RSRP1: variants seen among roughly 807,000 people sequenced by gnomAD.
RSRP1 encodes arginine/serine-rich protein 1.
RSRP1 carries 37 observed loss-of-function variants against 33.0 expected under a neutral mutation model. The ratio of observed to expected loss-of-function variants is 1.12; its 90% CI spans 0.86 to 1.48. The LOEUF is 1.48. RSRP1 is among the 40% of genes most tolerant of loss of function. RSRP1 has a pLI of 0.00. For synonymous variants in RSRP1, 167 were observed against 158.7 expected (o/e 1.05, Z -0.40); for missense variants, 402 against 385.3 (o/e 1.04, Z -0.36).
rs1455124354 is a variant in RSRP1 at position 25,306,265 on chromosome 1, C to G, written c.-67+31713G>C. Among the ~76,000 whole-genome samples, 9 of 131,688 alleles carry G rather than the reference C, an allele frequency of 6.8e-5. 2 individuals carry two copies. The highest frequency in any genetic ancestry group is 1.3e-4 in the Non-Finnish European group (7 of 55,740). The allele number at this position is 131,688 out of a possible 152,430, so 86.4% of individuals were successfully genotyped here. A position where few individuals can be genotyped will look rare whatever the true frequency, so the allele number is the denominator to read the frequency against. On this transcript the variant is annotated intron_variant, in intron 1 of 1. Transcript: ENST00000561867. ...CTACAGTACACAGGGCAGCCCCCACCACAAGGAATTATCAGCTGAAATTGT... is the reference window on the plus strand; with the variant it reads ...CTACAGTACACAGGGCAGCCCCCACGACAAGGAATTATCAGCTGAAATTGT...
chr1:25,286,399 G>A (rs993442337), intron 1 of RSRP1, among the ~76,000 whole-genome samples: 4 of 134,924 alleles, frequency 3.0e-5, no homozygotes, highest in African/African-American at 1.0e-4. Context: ...TGAGGCAGGA[G>A]GATCACCTGA....
intron 1 of RSRP1, among the ~76,000 whole-genome samples, chr1:25,276,950 C>A (rs1641059172): frequency 7.6e-6 from 1 of 130,754 alleles, no homozygotes; most frequent in Non-Finnish European, 1.8e-5. Context: ...GCCTGTAGTC[C>A]CAGCTACTTG....
At chr1:25,304,552 C>G (rs939617570) in intron 1 of RSRP1, 1 of 127,638 alleles carries the variant, frequency 7.8e-6, no homozygotes, top group Non-Finnish European at 1.8e-5. Context: ...GAGCTGAAAT[C>G]GTGCCATGGC....
chr1:25,243,394 G>A (rs558120283), intron 4 of RSRP1, among the ~76,000 whole-genome samples, 156 bp downstream of exon 4: 6 of 152,172 alleles, frequency 3.9e-5, no homozygotes, highest in African/African-American at 1.4e-4. Flanking sequence ...CATTATAATG[G>A]CCACTTATAA....
In RSRP1 at chr1:25,307,810, T is replaced by C; in HGVS notation, c.-67+30168A>G. On this transcript the variant is annotated intron_variant, in intron 1 of 1. Coordinates refer to the RSRP1 transcript ENST00000561867. ...AGCCCCAAATTATAGGGATCACATA[T>C]CAGTGGGTGAGACATCCTTGCTTGG... 2 of 1,301,692 alleles carry C rather than the reference T, an allele frequency of 1.5e-6. 1 individual carries two copies. Among genetic ancestry groups the C allele is most frequent in the Non-Finnish European group, 2.1e-6 (2 of 944,490 alleles). The allele number at this position is 1,301,692 out of a possible 1,614,324, so 80.6% of individuals were successfully genotyped here.
chr1:25,246,416 C>G lies in RSRP1; in HGVS notation c.520+28G>C, dbSNP rs769573758. 5.7e-5 allele frequency: 92 copies of G among 1,604,428 alleles called. 4 individuals are homozygous for G. The South Asian group carries it at 7.7e-4, about 13-fold the overall frequency. On this transcript the variant is annotated intron_variant, in intron 2 of 4. Coordinates refer to ENST00000243189, the MANE Select transcript of RSRP1 (RefSeq NM_020317.5). The stretch of plus-strand genomic sequence containing the variant: ...CATATACTGCCACCATACATTACCA[C>G]AAATGGAAAGGTAAATGACCCACCC...
intron 1 of RSRP1, among the ~76,000 whole-genome samples, chr1:25,321,279 C>A (rs1644683402): frequency 8.1e-6 from 1 of 123,322 alleles, no homozygotes; most frequent in Non-Finnish European, 1.9e-5. Context: ...TTTACTCCAT[C>A]TGGGGAAGGG....
chr1:25,245,068 T>A, intron 3 of RSRP1, 82 bp downstream of exon 3: 1 of 1,611,848 alleles, frequency 6.2e-7, no homozygotes, highest in South Asian at 1.1e-5. Flanking sequence ...TCCCAAAAAG[T>A]ATAGTCTAAG....
intron 1 of RSRP1, among the ~76,000 whole-genome samples, chr1:25,305,078 A>T (rs1466457263): frequency 4.5e-5 from 6 of 132,852 alleles, no homozygotes; most frequent in South Asian, 2.3e-4. Context: ...TGAGAACAGC[A>T]AGAGGGCACA....
chr1:25,271,601 G>T (rs1420797051), intron 1 of RSRP1, among the ~76,000 whole-genome samples: 2 of 130,534 alleles, frequency 1.5e-5, no homozygotes, highest in Non-Finnish European at 3.6e-5. Context: ...TTCCTTCCTC[G>T]ACACTTACCA....
intron 1 of RSRP1, among the ~76,000 whole-genome samples, chr1:25,283,125 C>T (rs570671859): frequency 1.5e-5 from 2 of 132,200 alleles, no homozygotes; most frequent in East Asian, 3.9e-4. Context: ...ATTCTGGCAA[C>T]CTAATGAAGG....
chr1:25,246,953 TA>T lies in RSRP1; in HGVS notation c.10del (p.Tyr4ThrfsTer2). 6.3e-7 allele frequency: 1 copy of T among 1,576,246 alleles called. No homozygotes were observed. Among genetic ancestry groups the T allele is most frequent in the African/African-American group, 1.4e-5 (1 of 73,596 alleles). MSN[Y>X]VNDMWPGSPQ... Reference sequence around the variant, plus strand: ...CGAGCCCGGCCACATGTCGTTCACGTAGTTGGACATCTTCACCTGCGGCTTT... The same window carrying T: ...CGAGCCCGGCCACATGTCGTTCACGTGTTGGACATCTTCACCTGCGGCTTT... On this transcript the variant is annotated frameshift_variant, in exon 2 of 5. Coordinates refer to ENST00000243189, the MANE Select transcript of RSRP1 (RefSeq NM_020317.5). LOFTEE classifies it high-confidence loss of function.
chr1:25,258,412 C>G (rs1203559657), intron 1 of RSRP1, among the ~76,000 whole-genome samples: 1 of 152,050 alleles, frequency 6.6e-6, no homozygotes, highest in African/African-American at 2.4e-5. Context: ...ACTCCTGACG[C>G]TGTGATCCAC....
rs1453895572 is a variant in RSRP1 at position 25,308,615 on chromosome 1, A to G, written c.-67+29363T>C. On this transcript the variant is annotated intron_variant, in intron 1 of 1. Transcript: ENST00000561867. ...TTCAAGCTGTCAAGGAGACATCACT[A>G]TACATGGACTTGGGAAGAGATGAGA... Among the ~76,000 whole-genome samples the G allele has an allele frequency of 9.9e-5, 13 of 131,676 alleles. 2 individuals are homozygous for G. The highest frequency in any genetic ancestry group is 2.4e-4 in the African/African-American group (9 of 38,162). 86.4% of individuals were successfully genotyped at this position (131,676 alleles called of 152,430 possible).
upstream of RSRP1, among the ~76,000 whole-genome samples, chr1:25,252,090 G>A (rs1400865622): frequency 6.6e-6 from 1 of 151,886 alleles, no homozygotes; most frequent in Non-Finnish European, 1.5e-5. Context: ...GTGAGACAGA[G>A]TCTCACTCTC....
chr1:25,275,928 T>C (rs181156808), intron 1 of RSRP1, among the ~76,000 whole-genome samples: 1 of 133,006 alleles, frequency 7.5e-6, no homozygotes, highest in African/African-American at 2.6e-5. Flanking sequence ...ATTATTTCTA[T>C]GCTTCCAATC....
In RSRP1 at chr1:25,280,306, C is replaced by A. The variant is rs1319381587; in HGVS notation, c.-66-33277G>T. Among the ~76,000 whole-genome samples, 9 of 121,996 alleles carry A rather than the reference C, an allele frequency of 7.4e-5. 2 individuals are homozygous for A. Among genetic ancestry groups the A allele is most frequent in the Non-Finnish European group, 1.7e-4 (9 of 52,292 alleles). 80.0% of individuals were successfully genotyped at this position (121,996 alleles called of 152,430 possible). ...ACCCAGGATCCTCTGACTTCCTCATCTCTTTTTTTTTTTTTTTGAGCTGCA... is the reference window on the plus strand; with the variant it reads ...ACCCAGGATCCTCTGACTTCCTCATATCTTTTTTTTTTTTTTTGAGCTGCA... On this transcript the variant is annotated intron_variant, in intron 1 of 1. Transcript: ENST00000561867.
intron 1 of RSRP1, chr1:25,306,692 C>A (rs1643867138): frequency 7.3e-7 from 1 of 1,378,564 alleles, no homozygotes. Flanking sequence ...CTACATTGTG[C>A]TGCTGGTGCT....
In RSRP1 at chr1:25,247,394, T is replaced by C. The variant is rs1382611107; in HGVS notation, c.-152A>G. On this transcript the variant is annotated 5_prime_UTR_variant, in exon 1 of 5. Coordinates refer to ENST00000243189, the MANE Select transcript of RSRP1 (RefSeq NM_020317.5). ...GGAACGTAAGACGAAGTGGGGCTTT[T>C]AGTCCCTGCTTTCGAACGGCGAATT... is the stretch of plus-strand genomic sequence containing the variant. 1.2e-5 allele frequency: 2 copies of C among 171,352 alleles called. No homozygotes were observed. The highest frequency in any genetic ancestry group is 2.5e-5 in the Non-Finnish European group (2 of 81,174). The allele number at this position is 171,352 out of a possible 1,614,324, so 10.6% of individuals were successfully genotyped here.
Sources: gnomAD v4.1 joint callset for allele counts (sites outside exome capture counted in the v4.1 genomes callset) on GRCh38, gnomAD v4.1.1 for gene constraint, MANE v1.5 for transcripts, NCBI Gene and HGNC (gene_info 2026-07-23, HGNC 2026-07-21) for gene names.